Variants in PRDM6 observed in about 807,000 individuals in gnomAD.
PRDM6 encodes the protein PR/SET domain 6.
PRDM6 carries 25 observed loss-of-function variants against 60.8 expected under a neutral mutation model. The observed-to-expected ratio is 0.41, with a 90% CI of 0.30 to 0.57. PRDM6 has a LOEUF of 0.57. Among genes scored for constraint, PRDM6 ranks in the 20% least tolerant of loss-of-function variants. PRDM6 has a pLI of 0.27. For synonymous variants in PRDM6, 407 were observed against 357.4 expected (o/e 1.14, Z -1.57); for missense variants, 839 against 821.3 (o/e 1.02, Z -0.26).
At chr5:123,109,640 TA>T (rs754495393) in intron 3 of PRDM6, among the ~76,000 whole-genome samples, 4 of 152,030 alleles carry the variant, frequency 2.6e-5, no homozygotes, top group African/African-American at 4.8e-5. Flanking sequence ...ACATGGATGT[TA>T]AAAAAAACCC....
chr5:123,123,645 C>A (rs145579574), intron 3 of PRDM6, among the ~76,000 whole-genome samples: 12 of 152,322 alleles, frequency 7.9e-5, no homozygotes, highest in African/African-American at 2.9e-4. Context: ...TATTGCCTTT[C>A]GTTCTCTTCC....
Position 123,187,524 on chromosome 5 carries a change from G to C in PRDM6, c.*323G>C. The C allele has an allele frequency of 8.6e-6, 2 of 233,530 alleles. 1 individual carries two copies. The highest frequency in any genetic ancestry group is 1.1e-4 in the South Asian group (2 of 18,148). 14.5% of individuals were successfully genotyped at this position (233,530 alleles called of 1,614,324 possible). A position where few individuals can be genotyped will look rare whatever the true frequency, so the allele number is the denominator to read the frequency against. On this transcript the variant is annotated 3_prime_UTR_variant, in exon 8 of 8. Transcript: ENST00000407847. Reference sequence around the variant, plus strand: ...AACTGTTATTTAATACCAAAGGGAGGAATCGTATGGGTTCTTCTGCCCACC... The same window carrying C: ...AACTGTTATTTAATACCAAAGGGAGCAATCGTATGGGTTCTTCTGCCCACC...
chr5:123,090,711 C>A, intron 2 of PRDM6, 105 bp downstream of exon 2: 1 of 28,070 alleles, frequency 3.6e-5, no homozygotes, highest in Non-Finnish European at 6.2e-5. Context: ...GACACGGGGC[C>A]GGGTGGGTGG....
rs1048690996 is a variant in PRDM6, at chr5:123,099,571, C to T, written c.593-83C>T. The T allele has an allele frequency of 5.9e-5, 76 of 1,294,002 alleles. No individual in the cohort carries two copies. Among genetic ancestry groups the T allele is most frequent in the Non-Finnish European group, 3.3e-5 (32 of 977,410 alleles). The allele number at this position is 1,294,002 out of a possible 1,614,324, so 80.2% of individuals were successfully genotyped here. A position where few individuals can be genotyped will look rare whatever the true frequency, so the allele number is the denominator to read the frequency against. On this transcript the variant is annotated intron_variant, in intron 2 of 7. Coordinates refer to ENST00000407847, the MANE Select transcript of PRDM6 (RefSeq NM_001136239.4). The surrounding 1 kb of genome is among the most constrained non-coding windows in gnomAD (Gnocchi z 4.0). ...CCCAGGCGGGCGGTGATGCTGTTGTCTCGGGAGTTTACTCAAAGATGGGCC... is the reference window on the plus strand; with the variant it reads ...CCCAGGCGGGCGGTGATGCTGTTGTTTCGGGAGTTTACTCAAAGATGGGCC...
rs1766340700 is a variant in PRDM6, at chr5:123,188,657, A to G, written c.*1456A>G. ...TCATCATCACCTGATATCAGGACAC[A>G]GTCTTTTAAGGAACTCCTTGTCTTT... On this transcript the variant is annotated 3_prime_UTR_variant, in exon 8 of 8. Transcript: ENST00000407847. The G allele has an allele frequency of 6.6e-6, 1 of 152,204 alleles. No individual in the cohort carries two copies. Among genetic ancestry groups the G allele is most frequent in the Non-Finnish European group, 1.5e-5 (1 of 68,042 alleles). 9.4% of individuals were successfully genotyped at this position (152,204 alleles called of 1,614,324 possible). A position where few individuals can be genotyped will look rare whatever the true frequency, so the allele number is the denominator to read the frequency against.
At chr5:123,133,968 A>G (rs1357273671) in intron 3 of PRDM6, among the ~76,000 whole-genome samples, 1 of 152,166 alleles carries the variant, frequency 6.6e-6, no homozygotes, top group Non-Finnish European at 1.5e-5. Context: ...CAAATGCCAC[A>G]CGAACTTTTC....
In PRDM6 at chr5:123,090,668, G is replaced by C. The variant is rs553356738; in HGVS notation, c.592+62G>C. 28 of 1,282,816 alleles carry C rather than the reference G, an allele frequency of 2.2e-5. No individual in the cohort carries two copies. The African/African-American group carries it at 4.3e-4, about 20-fold the overall frequency. The allele number at this position is 1,282,816 out of a possible 1,614,324, so 79.5% of individuals were successfully genotyped here. On this transcript the variant is annotated intron_variant, in intron 2 of 7. Transcript: ENST00000407847. ...GCCGGCGCCGGCGCCGGCGGGCGCGGGTGCCTGTCAGGGAGGCGGGTCGGA... is the reference window on the plus strand; with the variant it reads ...GCCGGCGCCGGCGCCGGCGGGCGCGCGTGCCTGTCAGGGAGGCGGGTCGGA...
chr5:123,166,851 A>T (rs1445313585), intron 5 of PRDM6, among the ~76,000 whole-genome samples: 1 of 152,146 alleles, frequency 6.6e-6, no homozygotes, highest in African/African-American at 2.4e-5. Context: ...AGGCTTTGAG[A>T]GTTTGCCCTC....
intron 3 of PRDM6, among the ~76,000 whole-genome samples, chr5:123,105,754 G>A (rs1450562437): frequency 3.3e-5 from 5 of 152,080 alleles, no homozygotes; most frequent in African/African-American, 1.2e-4. Context: ...GACATTCCTT[G>A]TATATTTACA....
chr5:123,111,044 A>G (rs1467768848), intron 3 of PRDM6, among the ~76,000 whole-genome samples: 1 of 152,068 alleles, frequency 6.6e-6, no homozygotes, highest in Non-Finnish European at 1.5e-5. Flanking sequence ...CTATTCAACA[A>G]ATTAACAGTA....
intron 5 of PRDM6, 68 bp downstream of exon 5, chr5:123,159,706 C>G: frequency 6.8e-7 from 1 of 1,469,848 alleles, no homozygotes; most frequent in Non-Finnish European, 9.3e-7. Context: ...TTTTTAAGAG[C>G]TTTTTTTGAA....
At chr5:123,180,500 C>G (rs1461669480) in intron 7 of PRDM6, among the ~76,000 whole-genome samples, 177 bp downstream of exon 7, 1 of 152,230 alleles carries the variant, frequency 6.6e-6, no homozygotes, top group Non-Finnish European at 1.5e-5. Context: ...AAAATGAAGT[C>G]AGGAAACCTA....
chr5:123,143,148 AGTGTGTGTGTGTGTGTGT>A (rs139092433), intron 3 of PRDM6, among the ~76,000 whole-genome samples: 2 of 145,878 alleles, frequency 1.4e-5, no homozygotes, highest in Non-Finnish European at 3.0e-5. Flanking sequence ...TAGTTTTTAA[AGTGTGTGTGTGTGTGTGT>A]GTGTGTGTGT....
intron 3 of PRDM6, among the ~76,000 whole-genome samples, chr5:123,110,794 G>A (rs1423969200): frequency 6.6e-6 from 1 of 151,946 alleles, no homozygotes; most frequent in Non-Finnish European, 1.5e-5. Context: ...TCGAACTCCC[G>A]ACCTCAGTGA....
rs1338677907 is a variant in PRDM6 at position 123,097,890 on chromosome 5, C to T, written c.593-1764C>T. Among the ~76,000 whole-genome samples, 3 of 152,230 alleles carry T rather than the reference C, an allele frequency of 2.0e-5. No individual in the cohort carries two copies. The East Asian group carries it at 5.8e-4, about 29-fold the overall frequency. On this transcript the variant is annotated intron_variant, in intron 2 of 7. Coordinates refer to ENST00000407847, the MANE Select transcript of PRDM6 (RefSeq NM_001136239.4). ...TCACTTCAGAGGTCTGGGGACATTT[C>T]TGAGAAGCTTGCAGCCCTCATTCTT... is the stretch of plus-strand genomic sequence containing the variant.
At chr5:123,167,742 A>G (rs1765788701) in intron 5 of PRDM6, among the ~76,000 whole-genome samples, 1 of 152,104 alleles carries the variant, frequency 6.6e-6, no homozygotes, top group South Asian at 2.1e-4. Context: ...TATCATCTAC[A>G]CTTAGAGTAT....
At chr5:123,131,519 T>A (rs1467399442) in intron 3 of PRDM6, among the ~76,000 whole-genome samples, 1 of 152,256 alleles carries the variant, frequency 6.6e-6, no homozygotes, top group Non-Finnish European at 1.5e-5. Context: ...ATTTACCGTA[T>A]GCCTGGCATT....
chr5:123,137,377 A>T (rs73296922), intron 3 of PRDM6, among the ~76,000 whole-genome samples: 24 of 152,226 alleles, frequency 1.6e-4, no homozygotes, highest in African/African-American at 5.5e-4. Context: ...TGAGCAAGTC[A>T]GGAAGTCCTT....
At chr5:123,111,684 C>CA (rs1764317053) in intron 3 of PRDM6, among the ~76,000 whole-genome samples, 1 of 83,344 alleles carries the variant, frequency 1.2e-5, no homozygotes, top group Non-Finnish European at 2.7e-5. Flanking sequence ...GGCGACAGAG[C>CA]GAGAAAACAA....
Sources: allele counts gnomAD v4.1 joint callset (sites outside exome capture counted in the v4.1 genomes callset), GRCh38; gene constraint gnomAD v4.1.1; non-coding constraint Gnocchi (gnomAD v3.1); transcripts MANE v1.5; gene names NCBI Gene and HGNC (gene_info 2026-07-23, HGNC 2026-07-21).